Variants in DOCK8 observed in about 807,000 individuals in gnomAD.
DOCK8 encodes dedicator of cytokinesis protein 8.
DOCK8 carries 141 observed loss-of-function variants against 245.6 expected under a neutral mutation model. The ratio of observed to expected loss-of-function variants is 0.57; its 90% CI spans 0.50 to 0.66. DOCK8 has a LOEUF of 0.66. DOCK8 is among the 30% of genes least tolerant of loss of function. The pLI, the probability that DOCK8 is intolerant of heterozygous loss-of-function variation, is 0.00. For synonymous variants in DOCK8, 1,168 were observed against 970.2 expected (o/e 1.20, Z -3.79); for missense variants, 2,965 against 2,603.4 (o/e 1.14, Z -3.02).
At chr9:336,991 C>G (rs923442299) in intron 12 of DOCK8, among the ~76,000 whole-genome samples, 1 of 152,114 alleles carries the variant, frequency 6.6e-6, no homozygotes, top group African/African-American at 2.4e-5. Context: ...TCTGTAGAGT[C>G]CTGAGGTGGA....
At chr9:325,195 ATTTTCT>A (rs2050707043) in intron 7 of DOCK8, among the ~76,000 whole-genome samples, 2 of 151,990 alleles carry the variant, frequency 1.3e-5, no homozygotes, top group South Asian at 2.1e-4. Context: ...TAGATACCAC[ATTTTCT>A]TTATCTACTC....
intron 29 of DOCK8, among the ~76,000 whole-genome samples, chr9:416,449 A>G (rs1239883936): frequency 6.6e-6 from 1 of 152,252 alleles, no homozygotes; most frequent in African/African-American, 2.4e-5. Context: ...ACTCGGAATC[A>G]GAACTTTTCA....
At chr9:450,342 A>G (rs536994395) in intron 45 of DOCK8, among the ~76,000 whole-genome samples, 1 of 152,322 alleles carries the variant, frequency 6.6e-6, no homozygotes, top group East Asian at 1.9e-4. Flanking sequence ...TAGAACATCC[A>G]ACTCTTGGCT....
intron 47 of DOCK8, 129 bp from the exon 48 acceptor site, chr9:464,030 G>C: frequency 1.2e-6 from 1 of 843,360 alleles, no homozygotes; most frequent in East Asian, 2.4e-5. Context: ...ATTATTTGCT[G>C]AGTTGTCCAT....
Position 379,827 on chromosome 9 carries a change from A to G in DOCK8, c.2497A>G (p.Asn833Asp). 1 of 1,614,212 alleles carries G rather than the reference A, an allele frequency of 6.2e-7. No homozygotes were observed. The highest frequency in any genetic ancestry group is 8.5e-7 in the Non-Finnish European group (1 of 1,180,038). ...SVVAIANSLHNSKDLSKDQHG... is the reference protein window; with the variant it reads ...SVVAIANSLHDSKDLSKDQHG... ...GGTGGCCATCGCCAACAGTCTGCACAACAGCAAGGACCTGAGCAAGGACCA... is the reference window on the plus strand; with the variant it reads ...GGTGGCCATCGCCAACAGTCTGCACGACAGCAAGGACCTGAGCAAGGACCA... The change falls in exon 21 of 48, where the codon AAC becomes GAC. Residue 833 changes from asparagine to aspartate, a missense_variant. This residue lies in a region of DOCK8 where 2,825 missense variants were observed against 2,453.5 expected (regional missense o/e 1.15). Coordinates refer to ENST00000432829, the MANE Select transcript of DOCK8 (RefSeq NM_203447.4).
chr9:384,196 A>C (rs890245447), intron 22 of DOCK8, among the ~76,000 whole-genome samples: 3 of 152,242 alleles, frequency 2.0e-5, no homozygotes, highest in African/African-American at 7.2e-5. Flanking sequence ...AATTTTTTAA[A>C]GATTATGATA....
intron 43 of DOCK8, among the ~76,000 whole-genome samples, chr9:446,121 A>G (rs1466116633): frequency 1.3e-5 from 2 of 152,352 alleles, no homozygotes; most frequent in South Asian, 2.1e-4. Context: ...TTGCTCTGCT[A>G]GGAAGGTGCG....
At chr9:300,307 C>A (rs75486713) in intron 4 of DOCK8, among the ~76,000 whole-genome samples, 3,838 of 152,266 alleles carry the variant, frequency 0.025, 82 homozygotes, top group South Asian at 0.054. Context: ...AGCTCTCTTA[C>A]ATTTCTTACT....
At chr9:254,136 G>A (rs950334326) in intron 1 of DOCK8, among the ~76,000 whole-genome samples, 2 of 152,172 alleles carry the variant, frequency 1.3e-5, no homozygotes, top group Non-Finnish European at 2.9e-5. Flanking sequence ...TATTCTTAAT[G>A]TAGTAACCAG....
intron 27 of DOCK8, among the ~76,000 whole-genome samples, chr9:406,719 C>T (rs1229911387): frequency 3.9e-5 from 6 of 152,050 alleles, no homozygotes; most frequent in Non-Finnish European, 5.9e-5. Flanking sequence ...TCATCTTTCC[C>T]GCTGGGCAGT....
chr9:268,335 G>A (rs1214834865), intron 1 of DOCK8: 1 of 152,196 alleles, frequency 6.6e-6, no homozygotes, highest in African/African-American at 2.4e-5. Flanking sequence ...AGTCAAGAAA[G>A]AAGATTAGTT....
At chr9:464,104 T>C in intron 47 of DOCK8, 55 bp from the exon 48 acceptor site, 1 of 1,474,716 alleles carries the variant, frequency 6.8e-7, no homozygotes, top group Admixed American at 1.7e-5. Flanking sequence ...AACTGATCTT[T>C]TCTTGCTTCT....
chr9:360,080 C>T (rs1316086092), intron 14 of DOCK8, among the ~76,000 whole-genome samples: 2 of 152,042 alleles, frequency 1.3e-5, no homozygotes, highest in East Asian at 3.9e-4. Flanking sequence ...TTTTGGGAGG[C>T]CGAGGCGGGC....
At chr9:304,484 C>G in intron 4 of DOCK8, 97 bp from the exon 5 acceptor site, 1 of 1,513,126 alleles carries the variant, frequency 6.6e-7, no homozygotes, top group Non-Finnish European at 9.1e-7. Context: ...CTCTCAGCAC[C>G]ATGTCTACAC....
chr9:346,765 T>A (rs2051909468), intron 14 of DOCK8, among the ~76,000 whole-genome samples: 1 of 152,174 alleles, frequency 6.6e-6, no homozygotes, highest in African/African-American at 2.4e-5. Context: ...ACTACCCACC[T>A]TCTCTTCTGC....
intron 5 of DOCK8, among the ~76,000 whole-genome samples, chr9:308,532 G>C (rs2049949919): frequency 6.6e-6 from 1 of 152,164 alleles, no homozygotes; most frequent in African/African-American, 2.4e-5. Context: ...ATTTAAACAA[G>C]TATATGATAA....
intron 29 of DOCK8, among the ~76,000 whole-genome samples, chr9:416,708 A>G (rs1254410878): frequency 6.6e-6 from 1 of 152,220 alleles, no homozygotes; most frequent in Non-Finnish European, 1.5e-5. Context: ...TGAAAGGCTC[A>G]ACCTTTCCGT....
intron 14 of DOCK8, among the ~76,000 whole-genome samples, chr9:361,939 T>A (rs2052751263): frequency 6.6e-6 from 1 of 152,222 alleles, no homozygotes; most frequent in Non-Finnish European, 1.5e-5. Flanking sequence ...CTCAACATTA[T>A]ACACTGAGTA....
chr9:352,740 C>CAA (rs56298794), intron 14 of DOCK8, among the ~76,000 whole-genome samples: 1 of 141,532 alleles, frequency 7.1e-6, no homozygotes, highest in Non-Finnish European at 1.5e-5. Flanking sequence ...GACTCTGTCT[C>CAA]AAAAAAAAAG....
Sources: allele counts gnomAD v4.1 joint callset (sites outside exome capture counted in the v4.1 genomes callset), GRCh38; gene constraint gnomAD v4.1.1; regional missense constraint gnomAD v4.1.1; transcripts MANE v1.5; gene names NCBI Gene and HGNC (gene_info 2026-07-23, HGNC 2026-07-21).